NEK4: variants seen among roughly 807,000 people sequenced by gnomAD.
NEK4 encodes the protein serine/threonine-protein kinase Nek4.
NEK4 carries 86 observed loss-of-function variants against 98.4 expected under a neutral mutation model. That is an observed-to-expected ratio of 0.87 (90% CI 0.73 to 1.05). NEK4 has a LOEUF of 1.05. Among genes scored for constraint, NEK4 ranks in the 50% least tolerant of loss-of-function variants. The probability of loss-of-function intolerance (pLI) is 0.00; values close to 1 mark genes in which losing one functional copy is unlikely to be tolerated. For synonymous variants in NEK4, 328 were observed against 342.2 expected, an observed-to-expected ratio of 0.96 and a Z score of 0.46; for missense variants, 898 against 950.3, an observed-to-expected ratio of 0.94 and a Z score of 0.72.
At chr3:52,766,903 G>A (rs1390399066) in intron 2 of NEK4, among the ~76,000 whole-genome samples, 1 of 152,088 alleles carries the variant, frequency 6.6e-6, no homozygotes, top group Non-Finnish European at 1.5e-5. Context: ...GGAGAATGGC[G>A]TGAACCCGGG....
chr3:52,737,534 T>C (rs1341963707), intron 15 of NEK4, 52 bp downstream of exon 15: 13 of 1,590,182 alleles, frequency 8.2e-6, no homozygotes, highest in Admixed American at 3.4e-5. Flanking sequence ...CAAAAGGTTG[T>C]TTAAAAAATT....
At chr3:52,755,350 A>G (rs1017395920) in intron 6 of NEK4, among the ~76,000 whole-genome samples, 2 of 152,108 alleles carry the variant, frequency 1.3e-5, no homozygotes, top group South Asian at 4.1e-4. Context: ...GCTGCATGAT[A>G]CTGTGAATCT....
chr3:52,770,588 A>C, intron 1 of NEK4, 66 bp downstream of exon 1: 2 of 1,250,496 alleles, frequency 1.6e-6, no homozygotes, highest in Non-Finnish European at 1.1e-6. Context: ...GACCTAATCT[A>C]CCGGTCGGCG....
At chr3:52,734,742 CCA>C (rs967748327) in intron 15 of NEK4, 2 of 196,598 alleles carry the variant, frequency 1.0e-5, no homozygotes, top group African/African-American at 4.8e-5. Flanking sequence ...ACAATTCATC[CCA>C]CCAGTGGCCA....
intron 10 of NEK4, among the ~76,000 whole-genome samples, chr3:52,744,726 G>A (rs2154104269): frequency 6.7e-6 from 1 of 148,522 alleles, no homozygotes; most frequent in South Asian, 2.1e-4. Context: ...CAGCCTGGGT[G>A]ACACAGCAAG....
chr3:52,738,747 G>T (rs914515722), intron 14 of NEK4, among the ~76,000 whole-genome samples: 3 of 152,052 alleles, frequency 2.0e-5, no homozygotes, highest in African/African-American at 7.2e-5. Context: ...CAGCAGGGCT[G>T]TTTTTTTAAA....
chr3:52,739,647 A>T lies in NEK4; in HGVS notation c.2094-13T>A. The T allele has an allele frequency of 1.9e-6, 3 of 1,600,016 alleles. No individual in the cohort carries two copies. Among genetic ancestry groups the T allele is most frequent in the Non-Finnish European group, 2.6e-6 (3 of 1,169,480 alleles). On this transcript the variant is annotated splice_polypyrimidine_tract_variant and intron_variant, in intron 13 of 15. Coordinates refer to ENST00000233027, the MANE Select transcript of NEK4 (RefSeq NM_003157.6). The stretch of plus-strand genomic sequence containing the variant: ...TGTCTGACCTTTCCTGGGGGAAAAA[A>T]ATATCCCTTTGTTATTTAATTGGCT...
At position 52,763,615 on chromosome 3, in the gene NEK4, T is replaced by C. The variant is rs1442425229; in HGVS notation, c.676A>G (p.Met226Val). 17 of 1,591,544 alleles carry C rather than the reference T, an allele frequency of 1.1e-5. No individual in the cohort carries two copies. Among genetic ancestry groups the C allele is most frequent in the Admixed American group, 3.6e-5 (2 of 54,896 alleles). The change falls in exon 5 of 16, where the codon ATG becomes GTG. Residue 226 changes from methionine (M) to valine (V), a missense_variant. By Grantham distance (21) the Met-to-Val change is conservative. Transcript: ENST00000233027. Reference sequence around the variant, plus strand: ...AGCTCTGGGCTGTAATCTCTTGGCATTGGTGGCAGCTACAAATAAAAATAA... The same window carrying C: ...AGCTCTGGGCTGTAATCTCTTGGCACTGGTGGCAGCTACAAATAAAAATAA... ...YRIIEGKLPPMPRDYSPELAE... is the reference protein window; with the variant it reads ...YRIIEGKLPPVPRDYSPELAE...
Position 52,744,230 on chromosome 3 carries a change from C to A in NEK4, c.1894+9G>T. ...TGCCAATTAGATGAAGAAAAGAAGT[C>A]AACTTTACCTGAAGAGGACATTTCT... On this transcript the variant is annotated intron_variant, in intron 11 of 15. Transcript: ENST00000233027. The A allele has an allele frequency of 6.2e-7, 1 of 1,608,522 alleles. No homozygotes were observed. The highest frequency in any genetic ancestry group is 8.5e-7 in the Non-Finnish European group (1 of 1,174,918).
chr3:52,743,878 C>A lies in NEK4; in HGVS notation c.1894+361G>T, dbSNP rs554681345. On this transcript the variant is annotated intron_variant, in intron 11 of 15. Transcript: ENST00000233027. ...CTCAGCCTACGGCAGCACCACTCCCCAAGCAACCTCCCTCTGTTCCTAAGA... is the reference window on the plus strand; with the variant it reads ...CTCAGCCTACGGCAGCACCACTCCCAAAGCAACCTCCCTCTGTTCCTAAGA... Among the ~76,000 whole-genome samples, 7 of 152,278 alleles carry A rather than the reference C, an allele frequency of 4.6e-5. No homozygotes were observed. In the East Asian group the frequency reaches 1.4e-3, roughly 29 times the overall value.
Position 52,744,293 on chromosome 3 carries a change from A to C in NEK4, c.1840T>G (p.Ser614Ala). 1 of 1,613,502 alleles carries C rather than the reference A, an allele frequency of 6.2e-7. No individual in the cohort carries two copies. The highest frequency in any genetic ancestry group is 1.7e-5 in the Admixed American group (1 of 60,006). The change falls in exon 11 of 16, where the codon TCA becomes GCA. Residue 614 changes from serine (S) to alanine (A), a missense_variant. Physicochemically the swap from Ser to Ala is moderately conservative, Grantham distance 99 (BLOSUM62 1). Coordinates refer to ENST00000233027, the MANE Select transcript of NEK4 (RefSeq NM_003157.6). ...EMSSSKDRPLSARERRRLKQS... is the reference protein window; with the variant it reads ...EMSSSKDRPLAARERRRLKQS... ...TTTAGTCGCCTCCTCTCTCTGGCTG[A>C]TAATGGTCGATCCTTTAAAAGAAAG...
rs1012191439 is a variant in NEK4, at chr3:52,726,903, C to CAAAT, written c.2433+10679_2433+10682dup. Among the ~76,000 whole-genome samples the CAAAT allele has an allele frequency of 3.8e-4, 57 of 148,342 alleles. No homozygotes were observed. The South Asian group carries it at 5.3e-3, about 14-fold the overall frequency. ...TGGGTGACAGAGCGAGACTCCGTCT[C>CAAAT]AAATAAATAAATAAGAGGACTTGAA... On this transcript the variant is annotated intron_variant, in intron 15 of 15. Coordinates refer to ENST00000233027, the MANE Select transcript of NEK4 (RefSeq NM_003157.6).
chr3:52,735,681 T>C (rs1257502155), intron 15 of NEK4, among the ~76,000 whole-genome samples: 4 of 152,238 alleles, frequency 2.6e-5, no homozygotes, highest in African/African-American at 4.8e-5. Flanking sequence ...CTATGTAAAG[T>C]AAGCACACTT....
intron 15 of NEK4, among the ~76,000 whole-genome samples, chr3:52,722,874 C>T (rs1320362178): frequency 6.6e-6 from 1 of 151,994 alleles, no homozygotes; most frequent in Non-Finnish European, 1.5e-5. Context: ...CTAGCCTGAG[C>T]GACAGAGCGA....
intron 15 of NEK4, 92 bp from the exon 16 acceptor site, chr3:52,711,961 C>G (rs2097350840): frequency 1.4e-6 from 1 of 690,402 alleles, no homozygotes; most frequent in Non-Finnish European, 2.5e-6. Context: ...AGCATGGTAT[C>G]CAAGGTGGAA....
intron 13 of NEK4, among the ~76,000 whole-genome samples, 175 bp downstream of exon 13, chr3:52,741,236 C>CAAA (rs35123782): frequency 9.3e-3 from 518 of 55,774 alleles, no homozygotes; most frequent in Middle Eastern, 0.019. Context: ...AACTCCGTCT[C>CAAA]AAAAAAAAAA....
Position 52,768,555 on chromosome 3 carries a change from C to T in NEK4, c.143G>A (p.Arg48Gln), listed in dbSNP as rs764961340. 2.5e-6 allele frequency: 4 copies of T among 1,614,156 alleles called. No homozygotes were observed. Among genetic ancestry groups the T allele is most frequent in the Middle Eastern group, 1.6e-4 (1 of 6,062 alleles). The change falls in exon 2 of 16, where the codon CGA (arginine) becomes CAA (glutamine). Residue 48 changes from arginine to glutamine, a missense_variant. By Grantham distance (43) the Arg-to-Gln change is conservative. Coordinates refer to ENST00000233027, the MANE Select transcript of NEK4 (RefSeq NM_003157.6). Reference protein sequence around the residue: ...NLRNASSRERRAAEQEAQLLS... With the variant: ...NLRNASSRERQAAEQEAQLLS... ...GAGCTGGGCTTCCTGTTCAGCAGCTCGCCGCTCTCGGCTAGAGGCATTTCG... is the reference window on the plus strand; with the variant it reads ...GAGCTGGGCTTCCTGTTCAGCAGCTTGCCGCTCTCGGCTAGAGGCATTTCG...
chr3:52,730,065 G>T (rs560011341), intron 15 of NEK4, among the ~76,000 whole-genome samples: 2 of 152,144 alleles, frequency 1.3e-5, no homozygotes, highest in African/African-American at 4.8e-5. Context: ...CTGAAATTGC[G>T]CCATGGCACT....
chr3:52,739,428 C>T lies in NEK4; in HGVS notation c.2299+1G>A, dbSNP rs1256253444. The T allele has an allele frequency of 3.7e-6, 6 of 1,612,990 alleles. No homozygotes were observed. The highest frequency in any genetic ancestry group is 5.1e-6 in the Non-Finnish European group (6 of 1,179,004). Reference sequence around the variant, plus strand: ...ACAAAAAATAATAATAAGCTGATCACCTGAAGGTAGCTCTTTAAAATGGAT... The same window carrying T: ...ACAAAAAATAATAATAAGCTGATCATCTGAAGGTAGCTCTTTAAAATGGAT... On this transcript the variant is annotated splice_donor_variant, in intron 14 of 15. Coordinates refer to ENST00000233027, the MANE Select transcript of NEK4 (RefSeq NM_003157.6). LOFTEE classifies it high-confidence loss of function.
Sources: allele counts gnomAD v4.1 joint callset (sites outside exome capture counted in the v4.1 genomes callset), GRCh38; gene constraint gnomAD v4.1.1; transcripts MANE v1.5; gene names NCBI Gene and HGNC (gene_info 2026-07-23, HGNC 2026-07-21).